The following EFCAB6 variants were observed in gnomAD, a reference collection of about 807,000 sequenced individuals.
EFCAB6 encodes the protein EF-hand calcium-binding domain-containing protein 6.
A neutral mutation model predicts 169.8 loss-of-function variants in EFCAB6; 156 were observed. The observed-to-expected ratio is 0.92, with a 90% confidence interval of 0.81 to 1.05. The LOEUF is 1.05. Among genes scored for constraint, EFCAB6 ranks in the 50% least tolerant of loss-of-function variants. The pLI, the probability that EFCAB6 is intolerant of heterozygous loss-of-function variation, is 0.00. For synonymous variants in EFCAB6, 698 were observed against 676.4 expected (o/e 1.03, Z -0.50); for missense variants, 1,800 against 1,829.1 (o/e 0.98, Z 0.29).
intron 20 of EFCAB6, among the ~76,000 whole-genome samples, chr22:43,618,679 T>G (rs1391899519): frequency 6.6e-6 from 1 of 152,168 alleles, no homozygotes; most frequent in East Asian, 1.9e-4. Context: ...AAGGCTGACT[T>G]TCTGACCAAA....
intron 27 of EFCAB6, chr22:43,552,666 G>A (rs1026909280): frequency 2.0e-5 from 3 of 152,154 alleles, no homozygotes; most frequent in African/African-American, 7.2e-5. Context: ...GGTTGGGGAA[G>A]GGGCTTGATG....
At chr22:43,675,329 A>AC (rs2057684505) in intron 13 of EFCAB6, among the ~76,000 whole-genome samples, 1 of 45,242 alleles carries the variant, frequency 2.2e-5, no homozygotes, top group African/African-American at 6.2e-5. Context: ...ATACTATAAT[A>AC]TATAATATAA....
rs201801994 is a variant in EFCAB6, at chr22:43,540,239, G to A, written c.3767C>T (p.Ala1256Val). 21 of 1,614,228 alleles carry A rather than the reference G, an allele frequency of 1.3e-5. No individual in the cohort carries two copies. Among genetic ancestry groups the A allele is most frequent in the Admixed American group, 3.3e-5 (2 of 60,024 alleles). Residue 1256 changes from alanine (A) to valine (V), a missense_variant, in exon 28 of 32, where the codon GCC becomes GTC. Coordinates refer to ENST00000262726, the MANE Select transcript of EFCAB6 (RefSeq NM_022785.4). ...AATPMATGDS[A>V]VAQRGSSVPD... Reference sequence around the variant, plus strand: ...GACACTGCTCCCTCTCTGGGCCACGGCCGAGTCACCAGTGGCCATTGGTGT... The same window carrying A: ...GACACTGCTCCCTCTCTGGGCCACGACCGAGTCACCAGTGGCCATTGGTGT...
rs193092846 is a variant in EFCAB6 at position 43,548,459 on chromosome 22, G to C, written c.3648+6410C>G. On this transcript the variant is annotated intron_variant, in intron 27 of 31. Transcript: ENST00000262726. ...GGAGGCTGAGGCAGGAGAATTGCTTGAACCCAGGAGGTAGAGGTTGCAGTG... is the reference window on the plus strand; with the variant it reads ...GGAGGCTGAGGCAGGAGAATTGCTTCAACCCAGGAGGTAGAGGTTGCAGTG... 2.3e-4 allele frequency among the ~76,000 whole-genome samples: 31 copies of C among 134,506 alleles called. No individual in the cohort carries two copies. In the East Asian group the frequency reaches 5.6e-3, roughly 24 times the overall value. The allele number at this position is 134,506 out of a possible 152,430, so 88.2% of individuals were successfully genotyped here.
chr22:43,640,965 C>G (rs982959443), intron 17 of EFCAB6, among the ~76,000 whole-genome samples: 2 of 152,186 alleles, frequency 1.3e-5, no homozygotes, highest in African/African-American at 4.8e-5. Flanking sequence ...CGGTCCTCCC[C>G]AGCCTGGGTG....
intron 15 of EFCAB6, 66 bp downstream of exon 15, chr22:43,671,907 T>C: frequency 1.9e-6 from 3 of 1,552,020 alleles, no homozygotes; most frequent in Non-Finnish European, 2.6e-6. Context: ...ACAGAAAAGG[T>C]TTAGAATTAT....
At chr22:43,799,329 CCACACACA>C (rs112231545) in intron 2 of EFCAB6, among the ~76,000 whole-genome samples, 1 of 146,546 alleles carries the variant, frequency 6.8e-6, no homozygotes, top group African/African-American at 2.5e-5. Context: ...GAATCTGTCT[CCACACACA>C]CACACACACA....
intron 17 of EFCAB6, among the ~76,000 whole-genome samples, chr22:43,662,300 C>T (rs921939543): frequency 7.2e-5 from 11 of 152,070 alleles, no homozygotes; most frequent in African/African-American, 2.7e-4. Flanking sequence ...TGGGGACCCA[C>T]AGGGCCCCAT....
At chr22:43,785,262 A>G (rs1398169577) in intron 2 of EFCAB6, among the ~76,000 whole-genome samples, 2 of 152,196 alleles carry the variant, frequency 1.3e-5, no homozygotes, top group Non-Finnish European at 2.9e-5. Context: ...ATTCTCCAGT[A>G]TAAACCATAT....
chr22:43,680,567 T>C (rs899625942), intron 12 of EFCAB6, among the ~76,000 whole-genome samples: 3 of 152,206 alleles, frequency 2.0e-5, no homozygotes. Context: ...CTTAATAATA[T>C]TGTCTCCGAT....
intron 10 of EFCAB6, among the ~76,000 whole-genome samples, chr22:43,688,099 C>A (rs1370578898): frequency 6.6e-6 from 1 of 152,208 alleles, no homozygotes; most frequent in African/African-American, 2.4e-5. Flanking sequence ...CTTTTCCTAG[C>A]TGCAGCCATC....
At chr22:43,581,038 A>T (rs896443003) in intron 24 of EFCAB6, among the ~76,000 whole-genome samples, 1 of 152,126 alleles carries the variant, frequency 6.6e-6, no homozygotes, top group Non-Finnish European at 1.5e-5. Context: ...GTTGGCAGGG[A>T]TGTGACATTT....
intron 29 of EFCAB6, chr22:43,535,346 G>C (rs979832855): frequency 6.5e-6 from 1 of 153,488 alleles, no homozygotes; most frequent in African/African-American, 2.4e-5. Context: ...GTTATGCAAG[G>C]CAAATTCTCG....
intron 25 of EFCAB6, among the ~76,000 whole-genome samples, chr22:43,579,000 G>GTACACGCAGGCATCATTCCC (rs2050474591): frequency 1.4e-5 from 2 of 138,390 alleles, no homozygotes; most frequent in Admixed American, 7.1e-5. Flanking sequence ...GCATCATTCC[G>GTACACGCAGGCATCATTCCC]TACACGCAGG....
intron 5 of EFCAB6, among the ~76,000 whole-genome samples, chr22:43,757,015 G>A (rs2060979791): frequency 6.6e-6 from 1 of 152,180 alleles, no homozygotes; most frequent in Admixed American, 6.5e-5. Context: ...AGGCTCGTGA[G>A]TCTGTGGGCC....
intron 20 of EFCAB6, among the ~76,000 whole-genome samples, chr22:43,620,743 G>A (rs1402078417): frequency 6.6e-6 from 1 of 152,030 alleles, no homozygotes; most frequent in East Asian, 1.9e-4. Flanking sequence ...TAAATTAATA[G>A]TATTAGAAAA....
Position 43,628,226 on chromosome 22 carries a change from T to C in EFCAB6, c.2233-1547A>G, listed in dbSNP as rs962630227. On this transcript the variant is annotated intron_variant, in intron 19 of 31. Coordinates refer to ENST00000262726, the MANE Select transcript of EFCAB6 (RefSeq NM_022785.4). The surrounding 1 kb of genome is among the most constrained non-coding windows in gnomAD (Gnocchi z 4.8). ...TCCTAAGTCTTCCCATCTCAGTAAG[T>C]GGAGCTCTTTCCTCCTGGTTGCTCA... 6.6e-6 allele frequency among the ~76,000 whole-genome samples: 1 copy of C among 152,108 alleles called. No homozygotes were observed. Among genetic ancestry groups the C allele is most frequent in the South Asian group, 2.1e-4 (1 of 4,820 alleles).
chr22:43,765,837 T>C lies in EFCAB6; in HGVS notation c.352-444A>G, dbSNP rs562404113. Among the ~76,000 whole-genome samples the C allele has an allele frequency of 2.0e-3, 312 of 152,258 alleles. 1 individual carries two copies. The highest frequency in any genetic ancestry group is 7.1e-3 in the African/African-American group (296 of 41,542). On this transcript the variant is annotated intron_variant, in intron 4 of 31. Transcript: ENST00000262726. ...AAAAATCCATTTTTAAATTAAAAATTCCACAAAGGATATCATTGGGTCAAG... is the reference window on the plus strand; with the variant it reads ...AAAAATCCATTTTTAAATTAAAAATCCCACAAAGGATATCATTGGGTCAAG...
intron 24 of EFCAB6, among the ~76,000 whole-genome samples, chr22:43,588,664 G>GA (rs1388034457): frequency 6.6e-6 from 1 of 152,000 alleles, no homozygotes; most frequent in Non-Finnish European, 1.5e-5. Context: ...AATAAGTCAA[G>GA]AAACTTTCTA....
Sources: gnomAD v4.1 joint callset for allele counts (sites outside exome capture counted in the v4.1 genomes callset) on GRCh38, gnomAD v4.1.1 for gene constraint, Gnocchi (gnomAD v3.1) non-coding constraint, MANE v1.5 for transcripts, NCBI Gene and HGNC (gene_info 2026-07-23, HGNC 2026-07-21) for gene names.